WNK1: variants seen among roughly 807,000 people sequenced by gnomAD.
WNK1 encodes serine/threonine-protein kinase WNK1.
WNK1 carries 38 observed loss-of-function variants against 222.8 expected under a neutral mutation model. The ratio of observed to expected loss-of-function variants is 0.17; its 90% CI spans 0.13 to 0.22. The LOEUF is 0.22. Among genes scored for constraint, WNK1 ranks in the 10% least tolerant of loss-of-function variants. WNK1 has a pLI of 1.00. For synonymous variants in WNK1, 1,090 were observed against 1,092.9 expected, an observed-to-expected ratio of 1.00 and a Z score of 0.05; for missense variants, 2,348 against 2,918.4, an observed-to-expected ratio of 0.80 and a Z score of 4.50.
chr12:875,602 A>G (rs1336753790), intron 9 of WNK1, among the ~76,000 whole-genome samples: 1 of 152,212 alleles, frequency 6.6e-6, no homozygotes, highest in Non-Finnish European at 1.5e-5. Context: ...TATAAGGGTT[A>G]CATGAATAAA....
chr12:809,797 A>C (rs527465522), intron 1 of WNK1, among the ~76,000 whole-genome samples: 3 of 152,210 alleles, frequency 2.0e-5, no homozygotes, highest in Non-Finnish European at 4.4e-5. Flanking sequence ...AATTTCTTTT[A>C]ACACATAGAA....
At position 862,452 on chromosome 12, in the gene WNK1, AC is replaced by A. The variant is rs1370491452; in HGVS notation, c.2139+183del. On this transcript the variant is annotated intron_variant, in intron 8 of 27. Coordinates refer to ENST00000315939, the MANE Select transcript of WNK1 (RefSeq NM_018979.4). ...ACATTAATGTGTGGGCATTAGCTGA[AC>A]TGCCTACATGAAGCAGCTATGTGCA... is the stretch of plus-strand genomic sequence containing the variant. 3.9e-5 allele frequency among the ~76,000 whole-genome samples: 6 copies of A among 152,248 alleles called. No homozygotes were observed. In the South Asian group the frequency reaches 1.2e-3, roughly 31 times the overall value.
intron 20 of WNK1, among the ~76,000 whole-genome samples, 170 bp from the exon 21 acceptor site, chr12:888,970 A>G (rs1471817283): frequency 6.6e-6 from 1 of 152,248 alleles, no homozygotes; most frequent in Admixed American, 6.5e-5. Context: ...AACTGGCAAA[A>G]TAATCAAAGC....
chr12:756,434 A>C (rs1940047078), intron 1 of WNK1, among the ~76,000 whole-genome samples: 1 of 152,146 alleles, frequency 6.6e-6, no homozygotes, highest in South Asian at 2.1e-4. Context: ...TTAATTCTCT[A>C]TCTAGGCATG....
intron 1 of WNK1, among the ~76,000 whole-genome samples, chr12:788,609 C>G (rs905039805): frequency 1.3e-5 from 2 of 152,144 alleles, no homozygotes; most frequent in Non-Finnish European, 2.9e-5. Flanking sequence ...AGTGAGAGGA[C>G]CGGGTGAGGT....
At chr12:887,975 A>G (rs117651807) in intron 20 of WNK1, among the ~76,000 whole-genome samples, 1 of 152,210 alleles carries the variant, frequency 6.6e-6, no homozygotes, top group East Asian at 1.9e-4. Flanking sequence ...GGTGGACAGA[A>G]TTACCTGTAA....
chr12:818,844 A>G (rs562050946), intron 2 of WNK1, among the ~76,000 whole-genome samples: 4 of 152,364 alleles, frequency 2.6e-5, no homozygotes, highest in South Asian at 2.1e-4. Context: ...TTGCATGGAA[A>G]TATCACAGTT....
intron 25 of WNK1, among the ~76,000 whole-genome samples, chr12:898,582 T>C (rs1271647210): frequency 1.3e-5 from 2 of 152,120 alleles, no homozygotes; most frequent in Non-Finnish European, 2.9e-5. Flanking sequence ...ATTTATTTAT[T>C]TTAAGAGACA....
At chr12:857,009 A>G (rs960104962) in intron 4 of WNK1, 152 bp from the exon 5 acceptor site, 3 of 750,126 alleles carry the variant, frequency 4.0e-6, no homozygotes, top group African/African-American at 3.5e-5. Context: ...TCACTACCCA[A>G]CTGTGACACT....
At chr12:900,413 G>A in intron 25 of WNK1, 63 bp from the exon 26 acceptor site, 1 of 1,573,184 alleles carries the variant, frequency 6.4e-7, no homozygotes, top group South Asian at 1.1e-5. Flanking sequence ...TATAAGAACA[G>A]TGCCTGATGA....
intron 1 of WNK1, among the ~76,000 whole-genome samples, chr12:775,003 TTC>T (rs753271799): frequency 2.6e-5 from 4 of 152,150 alleles, no homozygotes; most frequent in Non-Finnish European, 5.9e-5. Context: ...GTCATCTTAA[TTC>T]TGTTTTTCTT....
rs1954734070 is a variant in WNK1, at chr12:896,387, T to C, written c.5900T>C (p.Ile1967Thr). 6.2e-7 allele frequency: 1 copy of C among 1,613,992 alleles called. No individual in the cohort carries two copies. The highest frequency in any genetic ancestry group is 1.7e-5 in the Admixed American group (1 of 59,992). Reference protein sequence around the residue: ...RFSVSKTEDKITDTKKEGPVA... With the variant: ...RFSVSKTEDKTTDTKKEGPVA... ...TCTGTATCAAAAACTGAGGACAAGA[T>C]CACTGACACAAAGAAAGAAGGACCA... Residue 1967 changes from isoleucine (I) to threonine (T), a missense_variant, in exon 24 of 28, where the codon ATC becomes ACC. Coordinates refer to ENST00000315939, the MANE Select transcript of WNK1 (RefSeq NM_018979.4).
At chr12:894,451 C>CT in intron 22 of WNK1, 111 bp from the exon 23 acceptor site, 1 of 912,542 alleles carries the variant, frequency 1.1e-6, no homozygotes, top group Admixed American at 1.8e-5. Flanking sequence ...CTCTTTGCCT[C>CT]TAACAGCTTT....
At chr12:886,329 G>A (rs992014345) in intron 19 of WNK1, among the ~76,000 whole-genome samples, 1 of 151,908 alleles carries the variant, frequency 6.6e-6, no homozygotes, top group African/African-American at 2.4e-5. Context: ...TATAATTATC[G>A]GGTAAAATAC....
chr12:861,962 C>A lies in WNK1; in HGVS notation c.1952-121C>A. 4 of 1,090,910 alleles carry A rather than the reference C, an allele frequency of 3.7e-6. 1 individual carries two copies. In the South Asian group the frequency reaches 4.0e-5, roughly 11 times the overall value. 67.6% of individuals were successfully genotyped at this position (1,090,910 alleles called of 1,614,324 possible). ...AATTCATTTTTTATTTAGTTCAAAT[C>A]TGTGCAAGGAATAACTAGTTACCCC... On this transcript the variant is annotated intron_variant, in intron 7 of 27. Transcript: ENST00000315939.
At chr12:859,907 G>C (rs190035617) in intron 6 of WNK1, among the ~76,000 whole-genome samples, 1 of 151,922 alleles carries the variant, frequency 6.6e-6, no homozygotes, top group Admixed American at 6.6e-5. Context: ...GTATAGACAG[G>C]GTTTCACCAT....
intron 4 of WNK1, among the ~76,000 whole-genome samples, chr12:855,967 G>A (rs1445693573): frequency 2.0e-5 from 3 of 151,846 alleles, no homozygotes. Context: ...AGCCTCCCGA[G>A]TAGCTGGGAC....
intron 1 of WNK1, among the ~76,000 whole-genome samples, chr12:768,383 G>A (rs1010712033): frequency 1.3e-5 from 2 of 151,952 alleles, no homozygotes; most frequent in East Asian, 1.9e-4. Context: ...TGATCTGCCC[G>A]CCTCGGCCTC....
chr12:817,600 A>C (rs1001531789), intron 2 of WNK1, among the ~76,000 whole-genome samples: 1 of 152,152 alleles, frequency 6.6e-6, no homozygotes, highest in African/African-American at 2.4e-5. Context: ...GAAACAGATA[A>C]AACACCCATA....
Sources: allele counts gnomAD v4.1 joint callset (sites outside exome capture counted in the v4.1 genomes callset), GRCh38; gene constraint gnomAD v4.1.1; transcripts MANE v1.5; gene names NCBI Gene and HGNC (gene_info 2026-07-23, HGNC 2026-07-21).